Variants in CEP57L1 observed in about 807,000 individuals in gnomAD.
CEP57L1 encodes centrosomal protein CEP57L1.
A neutral mutation model predicts 61.0 loss-of-function variants in CEP57L1; 37 were observed. That is an observed-to-expected ratio of 0.61 (90% CI 0.47 to 0.80). CEP57L1 has a LOEUF of 0.80. CEP57L1 is among the 30% of genes least tolerant of loss of function. The pLI, the probability that CEP57L1 is intolerant of heterozygous loss-of-function variation, is 0.00. For missense variants in CEP57L1, 422 were observed against 524.7 expected, an observed-to-expected ratio of 0.80 and a Z score of 1.91; for synonymous variants, 137 against 162.3, an observed-to-expected ratio of 0.84 and a Z score of 1.19.
chr6:109,131,099 TTAAG>T (rs1279606820), intron 1 of CEP57L1, among the ~76,000 whole-genome samples: 1 of 152,298 alleles, frequency 6.6e-6, no homozygotes, highest in African/African-American at 2.4e-5. Context: ...ATAAATTACA[TTAAG>T]TAGATCAATT....
rs116325317 is a variant in CEP57L1, at chr6:109,169,844, C to T, written c.*6874C>T. On this transcript the variant is annotated 3_prime_UTR_variant, in exon 11 of 11. Transcript: ENST00000517392. ...TGTTATTTGACAAACCCTATTTTTC[C>T]GAGCATCAACAGTCAGTGGCACCAT... Among the ~76,000 whole-genome samples the T allele has an allele frequency of 7.5e-3, 1,145 of 152,194 alleles. 18 individuals carry two copies. The highest frequency in any genetic ancestry group is 0.026 in the African/African-American group (1,095 of 41,512).
chr6:109,117,232 G>A (rs1403326583), intron 1 of CEP57L1, among the ~76,000 whole-genome samples: 1 of 152,126 alleles, frequency 6.6e-6, no homozygotes, highest in African/African-American at 2.4e-5. Context: ...TATAACGTAA[G>A]CATAAGAAGT....
At chr6:109,142,205 C>A (rs1771453805) in intron 1 of CEP57L1, among the ~76,000 whole-genome samples, 3 of 152,016 alleles carry the variant, frequency 2.0e-5, no homozygotes, top group Admixed American at 2.0e-4. Flanking sequence ...TTCAGGAAAA[C>A]CAACCCAAAT....
chr6:109,137,674 A>G (rs1473103975), intron 1 of CEP57L1, among the ~76,000 whole-genome samples: 2 of 152,220 alleles, frequency 1.3e-5, no homozygotes, highest in African/African-American at 4.8e-5. Context: ...CTAGTTTGGG[A>G]TATTTATTTA....
chr6:109,142,622 A>G (rs1195097500), intron 1 of CEP57L1, among the ~76,000 whole-genome samples: 4 of 113,428 alleles, frequency 3.5e-5, no homozygotes, highest in Admixed American at 8.4e-5. Context: ...AAATTTTAAG[A>G]AAAAAAAAAA....
At position 109,165,781 on chromosome 6, in the gene CEP57L1, G is replaced by A. The variant is rs944419242; in HGVS notation, c.*2811G>A. ...CTTGCCAGAGCCTTTGACTCCTCAG[G>A]GGGTGGAGCAAAAGATTTCTTTCCT... is the stretch of plus-strand genomic sequence containing the variant. On this transcript the variant is annotated 3_prime_UTR_variant, in exon 11 of 11. Coordinates refer to ENST00000517392, the MANE Select transcript of CEP57L1 (RefSeq NM_001271852.3). 7 of 152,190 alleles carry A rather than the reference G, an allele frequency of 4.6e-5. No homozygotes were observed. Among genetic ancestry groups the A allele is most frequent in the Non-Finnish European group, 7.3e-5 (5 of 68,046 alleles). 9.4% of individuals were successfully genotyped at this position (152,190 alleles called of 1,614,324 possible). A position where few individuals can be genotyped will look rare whatever the true frequency, so the allele number is the denominator to read the frequency against.
At chr6:109,139,545 C>T (rs1437132061) in intron 1 of CEP57L1, among the ~76,000 whole-genome samples, 3 of 151,090 alleles carry the variant, frequency 2.0e-5, no homozygotes, top group South Asian at 4.2e-4. Context: ...GACATGATCT[C>T]GGCTCACTGC....
At chr6:109,158,571 T>C (rs1303638474) in intron 7 of CEP57L1, 1 of 452,504 alleles carries the variant, frequency 2.2e-6, no homozygotes, top group Non-Finnish European at 4.4e-6. Context: ...TACAGGTTTT[T>C]ATGTGAACAT....
At chr6:109,151,638 G>A (rs142705304) in intron 4 of CEP57L1, among the ~76,000 whole-genome samples, 17 of 152,154 alleles carry the variant, frequency 1.1e-4, no homozygotes, top group African/African-American at 2.6e-4. Context: ...TTATTTTTGT[G>A]TAGATTTTGT....
At chr6:109,147,003 C>T in intron 3 of CEP57L1, 66 bp downstream of exon 3, 1 of 1,296,838 alleles carries the variant, frequency 7.7e-7, no homozygotes, top group South Asian at 1.4e-5. Context: ...AATAATAAAC[C>T]TAGTCTAAGC....
rs1257810354 is a variant in CEP57L1, at chr6:109,164,090, G to A, written c.*1120G>A. 6.6e-6 allele frequency among the ~76,000 whole-genome samples: 1 copy of A among 152,174 alleles called. No homozygotes were observed. Among genetic ancestry groups the A allele is most frequent in the Non-Finnish European group, 1.5e-5 (1 of 68,028 alleles). On this transcript the variant is annotated 3_prime_UTR_variant, in exon 11 of 11. Coordinates refer to ENST00000517392, the MANE Select transcript of CEP57L1 (RefSeq NM_001271852.3). ...GTTTAAGAGATGGTGATTCCTAAGGGACAGAGTTGGAAGTACATATTTACT... is the reference window on the plus strand; with the variant it reads ...GTTTAAGAGATGGTGATTCCTAAGGAACAGAGTTGGAAGTACATATTTACT...
intron 1 of CEP57L1, among the ~76,000 whole-genome samples, chr6:109,116,465 G>A (rs943435218): frequency 5.3e-5 from 8 of 152,044 alleles, no homozygotes; most frequent in Non-Finnish European, 7.4e-5. Flanking sequence ...AGTGAGCCAC[G>A]GCGCCCAGCT....
At position 109,146,741 on chromosome 6, in the gene CEP57L1, A is replaced by C. The variant is rs375880981; in HGVS notation, c.161-17A>C. The C allele has an allele frequency of 8.6e-6, 13 of 1,518,336 alleles. No homozygotes were observed. The highest frequency in any genetic ancestry group is 1.1e-5 in the Non-Finnish European group (13 of 1,132,904). 94.1% of individuals were successfully genotyped at this position (1,518,336 alleles called of 1,614,324 possible). On this transcript the variant is annotated splice_polypyrimidine_tract_variant and intron_variant, in intron 2 of 10. Transcript: ENST00000517392. ...GAAACTTTCACTTAAAATATCAACAAAATTTTTTTTCAACAGCTCTTATTT... is the reference window on the plus strand; with the variant it reads ...GAAACTTTCACTTAAAATATCAACACAATTTTTTTTCAACAGCTCTTATTT...
intron 1 of CEP57L1, among the ~76,000 whole-genome samples, chr6:109,102,853 C>G (rs1319695260): frequency 6.6e-6 from 1 of 152,092 alleles, no homozygotes; most frequent in African/African-American, 2.4e-5. Flanking sequence ...TGAAGTCAGC[C>G]TAAAGATGAG....
At chr6:109,135,271 C>T (rs1030582148) in intron 1 of CEP57L1, among the ~76,000 whole-genome samples, 1 of 152,114 alleles carries the variant, frequency 6.6e-6, no homozygotes, top group African/African-American at 2.4e-5. Context: ...ACATCTACAA[C>T]TATGTGATCT....
At chr6:109,135,895 C>T (rs947234069) in intron 1 of CEP57L1, among the ~76,000 whole-genome samples, 7 of 152,240 alleles carry the variant, frequency 4.6e-5, no homozygotes, top group African/African-American at 1.7e-4. Flanking sequence ...GAATGGCAAT[C>T]ATTAAAAAGT....
In CEP57L1 at chr6:109,170,794, A is replaced by G. The variant is rs377508875; in HGVS notation, c.*7824A>G. Among the ~76,000 whole-genome samples, 1 of 152,180 alleles carries G rather than the reference A, an allele frequency of 6.6e-6. No homozygotes were observed. The highest frequency in any genetic ancestry group is 2.4e-5 in the African/African-American group (1 of 41,444). On this transcript the variant is annotated 3_prime_UTR_variant, in exon 11 of 11. Coordinates refer to ENST00000517392, the MANE Select transcript of CEP57L1 (RefSeq NM_001271852.3). ...ATAGCTTATCCAAAATATGTAATAC[A>G]TGTGAGAGAATAGCACTGTTGAAAT...
At chr6:109,099,660 C>T (rs1333918166) in intron 1 of CEP57L1, among the ~76,000 whole-genome samples, 2 of 152,150 alleles carry the variant, frequency 1.3e-5, no homozygotes, top group East Asian at 1.9e-4. Flanking sequence ...AGTGATTCTC[C>T]TGCCTCAGCC....
intron 1 of CEP57L1, among the ~76,000 whole-genome samples, chr6:109,141,173 G>T (rs1304224361): frequency 1.3e-5 from 2 of 151,912 alleles, no homozygotes; most frequent in Non-Finnish European, 2.9e-5. Flanking sequence ...AATTTGTATT[G>T]ATGTATGGGG....
Sources: gnomAD v4.1 joint callset for allele counts (sites outside exome capture counted in the v4.1 genomes callset) on GRCh38, gnomAD v4.1.1 for gene constraint, MANE v1.5 for transcripts, NCBI Gene and HGNC (gene_info 2026-07-23, HGNC 2026-07-21) for gene names.